VDAC1: variants seen among roughly 807,000 people sequenced by gnomAD.
VDAC1 encodes voltage dependent anion channel 1.
In VDAC1, 10 loss-of-function variants were observed where a neutral mutation model predicts 34.7. That is an observed-to-expected ratio of 0.29 (90% CI 0.18 to 0.49). The LOEUF is 0.49. Among genes scored for constraint, VDAC1 ranks in the 20% least tolerant of loss-of-function variants. VDAC1 has a pLI of 0.99. For missense variants in VDAC1, 230 were observed against 347.9 expected, an observed-to-expected ratio of 0.66 and a Z score of 2.69; for synonymous variants, 130 against 136.0, an observed-to-expected ratio of 0.96 and a Z score of 0.30.
chr5:134,029,974 T>G, the VDAC1 span, among the ~76,000 whole-genome samples: 1 of 152,192 alleles, frequency 6.6e-6, no homozygotes, highest in Non-Finnish European at 1.5e-5. Flanking sequence ...TTGGGAAAAC[T>G]GGGTGACAGG....
At chr5:134,043,475 C>G in the VDAC1 span, among the ~76,000 whole-genome samples, 1 of 152,176 alleles carries the variant, frequency 6.6e-6, no homozygotes, top group Non-Finnish European at 1.5e-5. Flanking sequence ...AAAGGACTCT[C>G]ACCTCCTCCT....
chr5:134,048,031 A>T, the VDAC1 span, among the ~76,000 whole-genome samples: 2 of 151,846 alleles, frequency 1.3e-5, no homozygotes, highest in Non-Finnish European at 2.9e-5. Context: ...AAAAAAAAGA[A>T]AAAAGCTAGT....
the VDAC1 span, among the ~76,000 whole-genome samples, chr5:134,085,218 A>G: frequency 0.02 from 3,018 of 151,920 alleles, 85 homozygotes; most frequent in African/African-American, 0.069. Flanking sequence ...ACAGGTGCCC[A>G]CCACCACGCC....
the VDAC1 span, among the ~76,000 whole-genome samples, chr5:134,064,653 A>G: frequency 8.5e-5 from 13 of 152,118 alleles, no homozygotes; most frequent in South Asian, 2.7e-3. Flanking sequence ...GTTACTAAGC[A>G]ATAGATAACT....
At chr5:133,992,922 G>T in intron 2 of VDAC1, 24 bp downstream of exon 2, 1 of 1,606,086 alleles carries the variant, frequency 6.2e-7, no homozygotes, top group Non-Finnish European at 8.5e-7. Flanking sequence ...GAGCTGAAAG[G>T]CACCCCCTCT....
the VDAC1 span, among the ~76,000 whole-genome samples, chr5:134,065,789 A>ATTTTTTTTTTTTTTTTTTTTTTTTTTTT: frequency 1.0e-5 from 1 of 99,850 alleles, no homozygotes. Context: ...CAGATAGTAA[A>ATTTTTTTTTTTTTTTTTTTTTTTTTTTT]TTTTTTTTTT....
chr5:134,009,618 CTA>C (rs748528126), upstream of VDAC1, among the ~76,000 whole-genome samples: 2 of 152,068 alleles, frequency 1.3e-5, no homozygotes, highest in Non-Finnish European at 2.9e-5. Flanking sequence ...ATTTATGAGA[CTA>C]TGAGTGATTT....
the VDAC1 span, among the ~76,000 whole-genome samples, chr5:134,022,158 C>T: frequency 1.3e-5 from 2 of 152,146 alleles, no homozygotes; most frequent in African/African-American, 4.8e-5. Flanking sequence ...GGATTACAGG[C>T]GTGAGCCACT....
the VDAC1 span, among the ~76,000 whole-genome samples, chr5:134,106,166 G>T: frequency 6.6e-6 from 1 of 152,216 alleles, no homozygotes; most frequent in Admixed American, 6.5e-5. Flanking sequence ...GTGACCTCAG[G>T]CAAGGAACTT....
chr5:134,074,837 C>A, the VDAC1 span, among the ~76,000 whole-genome samples: 1 of 152,080 alleles, frequency 6.6e-6, no homozygotes, highest in Non-Finnish European at 1.5e-5. Flanking sequence ...TATTGATGGT[C>A]CTCACATGTG....
chr5:134,106,966 C>T, the VDAC1 span, among the ~76,000 whole-genome samples: 9 of 152,282 alleles, frequency 5.9e-5, no homozygotes, highest in African/African-American at 2.2e-4. Flanking sequence ...CTCCCTGGCC[C>T]CAGAAGGCCT....
intron 1 of VDAC1, among the ~76,000 whole-genome samples, chr5:133,993,512 T>C (rs995957226): frequency 4.6e-5 from 7 of 152,200 alleles, no homozygotes; most frequent in Non-Finnish European, 1.0e-4. Context: ...ATTCAACAAA[T>C]ATTTATGGAG....
upstream of VDAC1, among the ~76,000 whole-genome samples, chr5:134,007,802 GC>G (rs1284954523): frequency 6.6e-6 from 1 of 152,174 alleles, no homozygotes; most frequent in Non-Finnish European, 1.5e-5. Context: ...GTGGCTCTGG[GC>G]CCCTGTTCCT....
chr5:134,086,683 C>T, the VDAC1 span, among the ~76,000 whole-genome samples: 4 of 151,848 alleles, frequency 2.6e-5, no homozygotes, highest in Non-Finnish European at 5.9e-5. Context: ...CTTCTTTCTT[C>T]CTTCTTCCTT....
the VDAC1 span, among the ~76,000 whole-genome samples, chr5:134,057,493 T>C: frequency 1.8e-4 from 24 of 134,558 alleles, no homozygotes; most frequent in African/African-American, 4.8e-4. Context: ...AAAAAAAAAT[T>C]TATATCTATA....
the VDAC1 span, among the ~76,000 whole-genome samples, chr5:134,050,625 A>G: frequency 5.3e-5 from 8 of 152,372 alleles, no homozygotes; most frequent in South Asian, 6.2e-4. Context: ...ACTTCTTCTT[A>G]GAAGCTTCCA....
chr5:134,050,949 G>A, the VDAC1 span, among the ~76,000 whole-genome samples: 4 of 152,164 alleles, frequency 2.6e-5, no homozygotes, highest in South Asian at 2.1e-4. Flanking sequence ...GGCCTCTGGC[G>A]GTTCTTGAGG....
At chr5:134,026,994 C>A in the VDAC1 span, among the ~76,000 whole-genome samples, 1 of 152,172 alleles carries the variant, frequency 6.6e-6, no homozygotes, top group Non-Finnish European at 1.5e-5. Context: ...CCCTGGACTC[C>A]CAGGGGCATT....
At chr5:134,093,504 G>A in the VDAC1 span, among the ~76,000 whole-genome samples, 1 of 152,186 alleles carries the variant, frequency 6.6e-6, no homozygotes. Context: ...AGGGCAGGCT[G>A]TCCCCTCATG....
Sources: gnomAD v4.1 joint callset for allele counts (sites outside exome capture counted in the v4.1 genomes callset) on GRCh38, gnomAD v4.1.1 for gene constraint, MANE v1.5 for transcripts, NCBI Gene and HGNC (gene_info 2026-07-23, HGNC 2026-07-21) for gene names.